NELL1: variants seen among roughly 807,000 people sequenced by gnomAD.
NELL1 encodes the protein protein kinase C-binding protein NELL1.
Under a neutral mutation model 107.4 loss-of-function variants are expected in NELL1, and 76 were observed. That is an observed-to-expected ratio of 0.71 (90% confidence interval 0.59 to 0.86). The LOEUF is 0.86. Among genes scored for constraint, NELL1 ranks in the 40% least tolerant of loss-of-function variants. The pLI, the probability that NELL1 is intolerant of heterozygous loss-of-function variation, is 0.00. For synonymous variants in NELL1, 353 were observed against 341.2 expected, an observed-to-expected ratio of 1.03 and a Z score of -0.38; for missense variants, 1,024 against 1,005.5, an observed-to-expected ratio of 1.02 and a Z score of -0.25.
chr11:21,123,009 A>G (rs550273795), intron 13 of NELL1, among the ~76,000 whole-genome samples: 31 of 152,150 alleles, frequency 2.0e-4, no homozygotes, highest in Non-Finnish European at 3.7e-4. Flanking sequence ...GCTCCCCTCA[A>G]GATCTCAAAA....
At chr11:21,144,708 A>C (rs557568490) in intron 13 of NELL1, among the ~76,000 whole-genome samples, 46 of 152,292 alleles carry the variant, frequency 3.0e-4, no homozygotes, top group Admixed American at 9.2e-4. Context: ...GGTAGTAGTT[A>C]CTGCAGGTAG....
intron 11 of NELL1, among the ~76,000 whole-genome samples, chr11:20,956,682 C>T (rs974806368): frequency 9.2e-5 from 14 of 151,652 alleles, no homozygotes; most frequent in African/African-American, 1.5e-4. Context: ...CTCATCCGTT[C>T]GCCATATGCA....
At chr11:20,935,170 G>A (rs1669452900) in intron 9 of NELL1, among the ~76,000 whole-genome samples, 1 of 152,184 alleles carries the variant, frequency 6.6e-6, no homozygotes, top group South Asian at 2.1e-4. Context: ...GCAATTAGCA[G>A]CAGGGACATG....
At chr11:20,912,886 C>A (rs906161252) in intron 5 of NELL1, among the ~76,000 whole-genome samples, 1 of 152,066 alleles carries the variant, frequency 6.6e-6, no homozygotes, top group Non-Finnish European at 1.5e-5. Flanking sequence ...TCCTTTCATG[C>A]AGAAAGTCAA....
intron 5 of NELL1, among the ~76,000 whole-genome samples, chr11:20,894,830 G>C (rs1164476324): frequency 3.9e-5 from 6 of 152,148 alleles, no homozygotes; most frequent in Admixed American, 2.6e-4. Flanking sequence ...GAATTTTTAA[G>C]ATTTGCATAA....
chr11:20,739,604 A>C (rs1855842027), intron 2 of NELL1, among the ~76,000 whole-genome samples: 1 of 152,152 alleles, frequency 6.6e-6, no homozygotes, highest in Non-Finnish European at 1.5e-5. Context: ...GAGAATCCTC[A>C]GAAAGTGAAA....
chr11:21,284,454 A>G (rs1283493013), intron 14 of NELL1: 5 of 458,426 alleles, frequency 1.1e-5, no homozygotes, highest in South Asian at 7.7e-5. Flanking sequence ...CACAAGGTCA[A>G]CATCACGAAA....
chr11:21,378,952 A>G (rs1284505603), intron 15 of NELL1, among the ~76,000 whole-genome samples: 1 of 151,966 alleles, frequency 6.6e-6, no homozygotes, highest in Non-Finnish European at 1.5e-5. Context: ...TCCTGGCCTA[A>G]TGAGATCCAC....
chr11:21,252,177 G>A (rs1436809513), intron 14 of NELL1, among the ~76,000 whole-genome samples: 1 of 152,156 alleles, frequency 6.6e-6, no homozygotes, highest in African/African-American at 2.4e-5. Context: ...GCAGAAACAA[G>A]ATTCGAACTC....
At chr11:21,165,787 G>C (rs1193169576) in intron 13 of NELL1, among the ~76,000 whole-genome samples, 1 of 94,690 alleles carries the variant, frequency 1.1e-5, no homozygotes, top group Non-Finnish European at 2.0e-5. Flanking sequence ...TTTTGAGATT[G>C]AGTCTCACTC....
chr11:20,725,454 CTG>C (rs1415007567), intron 2 of NELL1, among the ~76,000 whole-genome samples: 1 of 152,170 alleles, frequency 6.6e-6, no homozygotes, highest in Non-Finnish European at 1.5e-5. Flanking sequence ...GGCTGTAAGT[CTG>C]TGGTGATGTG....
chr11:21,177,780 T>C (rs778212694), intron 13 of NELL1, among the ~76,000 whole-genome samples: 1 of 151,890 alleles, frequency 6.6e-6, no homozygotes, highest in Non-Finnish European at 1.5e-5. Flanking sequence ...CACCAATACA[T>C]GTTACCTTTC....
intron 15 of NELL1, among the ~76,000 whole-genome samples, chr11:21,447,672 G>A (rs1471694151): frequency 1.3e-5 from 2 of 152,148 alleles, no homozygotes; most frequent in African/African-American, 2.4e-5. Flanking sequence ...CATTGCCTGT[G>A]GTTGGGGGAA....
intron 2 of NELL1, among the ~76,000 whole-genome samples, chr11:20,722,143 C>T (rs1364134920): frequency 1.3e-5 from 2 of 151,916 alleles, no homozygotes; most frequent in Non-Finnish European, 2.9e-5. Context: ...GCCTCAGCCT[C>T]CCAAGTAGCT....
chr11:21,444,379 A>C (rs1051391463), intron 15 of NELL1, among the ~76,000 whole-genome samples: 1 of 152,146 alleles, frequency 6.6e-6, no homozygotes, highest in African/African-American at 2.4e-5. Context: ...ATTTCTTGAT[A>C]TGCACAAGTT....
intron 15 of NELL1, among the ~76,000 whole-genome samples, chr11:21,443,173 C>A (rs900176408): frequency 6.6e-6 from 1 of 151,580 alleles, no homozygotes; most frequent in South Asian, 2.1e-4. Context: ...GCTTGTAGGT[C>A]AAAGGGAGAA....
At chr11:21,009,873 A>G (rs1219648514) in intron 12 of NELL1, among the ~76,000 whole-genome samples, 8 of 152,030 alleles carry the variant, frequency 5.3e-5, no homozygotes. Flanking sequence ...TGGTTAGTAC[A>G]TCACAACAAC....
chr11:20,801,084 C>G (rs1457993605), intron 3 of NELL1, among the ~76,000 whole-genome samples: 2 of 152,188 alleles, frequency 1.3e-5, no homozygotes, highest in Non-Finnish European at 2.9e-5. Context: ...CCCTAGTTCT[C>G]TCAGTTGTCT....
chr11:20,936,581 C>A (rs1850730253), intron 9 of NELL1, among the ~76,000 whole-genome samples: 1 of 152,190 alleles, frequency 6.6e-6, no homozygotes, highest in Non-Finnish European at 1.5e-5. Context: ...GGTCTAGGTT[C>A]TTTATCTGCA....
Sources: allele counts gnomAD v4.1 joint callset (sites outside exome capture counted in the v4.1 genomes callset), GRCh38; gene constraint gnomAD v4.1.1; transcripts MANE v1.5; gene names NCBI Gene and HGNC (gene_info 2026-07-23, HGNC 2026-07-21).